The following SNTB1 variants were observed in gnomAD, a reference collection of about 807,000 sequenced individuals.
SNTB1 encodes syntrophin beta 1.
SNTB1 carries 36 observed loss-of-function variants against 48.9 expected under a neutral mutation model. The ratio of observed to expected loss-of-function variants is 0.74; its 90% CI spans 0.56 to 0.97. SNTB1 has a LOEUF of 0.97. Ranked by LOEUF, SNTB1 falls within the 50% of genes least tolerant of loss-of-function variation. The probability of loss-of-function intolerance (pLI) is 0.00; values close to 1 mark genes in which losing one functional copy is unlikely to be tolerated. For synonymous variants in SNTB1, 299 were observed against 294.6 expected, an observed-to-expected ratio of 1.01 and a Z score of -0.15; for missense variants, 786 against 703.4, an observed-to-expected ratio of 1.12 and a Z score of -1.33.
rs111378448 is a variant in SNTB1, at chr8:120,804,362, C to T, written c.571+6911G>A. Among the ~76,000 whole-genome samples, 697 of 152,166 alleles carry T rather than the reference C, an allele frequency of 4.6e-3. 5 individuals are homozygous for T. Among genetic ancestry groups the T allele is most frequent in the African/African-American group, 0.016 (664 of 41,512 alleles). ...CTGTGCTAAAGGCTAACTTGTATTG[C>T]TAATCACCGGCTCAAGTACTTCATA... On this transcript the variant is annotated intron_variant, in intron 1 of 6. Transcript: ENST00000517992.
At chr8:120,660,697 C>T (rs1203872127) in intron 2 of SNTB1, among the ~76,000 whole-genome samples, 2 of 152,216 alleles carry the variant, frequency 1.3e-5, no homozygotes, top group Non-Finnish European at 2.9e-5. Flanking sequence ...GCACAAGAAG[C>T]CTAACTTTCA....
chr8:120,697,245 A>G (rs1818227119), intron 1 of SNTB1, among the ~76,000 whole-genome samples: 2 of 152,252 alleles, frequency 1.3e-5, no homozygotes, highest in Non-Finnish European at 2.9e-5. Context: ...AAAGGACAGA[A>G]GACATGGCAC....
intron 3 of SNTB1, among the ~76,000 whole-genome samples, chr8:120,624,935 A>C (rs1056940508): frequency 3.3e-5 from 5 of 152,202 alleles, no homozygotes; most frequent in Non-Finnish European, 7.3e-5. Context: ...AAACAACATT[A>C]AGACTTAATG....
intron 2 of SNTB1, among the ~76,000 whole-genome samples, chr8:120,689,051 A>C (rs1193384088): frequency 1.3e-5 from 2 of 152,170 alleles, no homozygotes; most frequent in Non-Finnish European, 2.9e-5. Flanking sequence ...AGGTAGAATA[A>C]TAAAAATATA....
intron 2 of SNTB1, among the ~76,000 whole-genome samples, chr8:120,664,407 G>A (rs532365811): frequency 2.0e-5 from 3 of 152,106 alleles, no homozygotes; most frequent in Non-Finnish European, 4.4e-5. Flanking sequence ...CAATAAATTG[G>A]ACATACTTTA....
chr8:120,809,910 C>CAT (rs1419559305), intron 1 of SNTB1, among the ~76,000 whole-genome samples: 1 of 152,190 alleles, frequency 6.6e-6, no homozygotes. Context: ...TGGACCGTGA[C>CAT]ATACCAGGGA....
At chr8:120,584,995 C>T (rs1257187080) in intron 3 of SNTB1, among the ~76,000 whole-genome samples, 1 of 152,114 alleles carries the variant, frequency 6.6e-6, no homozygotes, top group Non-Finnish European at 1.5e-5. Context: ...TCAGAAGGAA[C>T]CAATCCAGCT....
intron 1 of SNTB1, among the ~76,000 whole-genome samples, chr8:120,772,510 G>A (rs1029628679): frequency 4.6e-5 from 7 of 152,160 alleles, no homozygotes; most frequent in Non-Finnish European, 1.0e-4. Context: ...GCCTCCAAAA[G>A]TGCTAGGATT....
intron 2 of SNTB1, among the ~76,000 whole-genome samples, chr8:120,649,981 C>T (rs113791969): frequency 0.19 from 29,242 of 152,134 alleles, 3,511 homozygotes; most frequent in East Asian, 0.38. Flanking sequence ...AACTCCCTGA[C>T]CCCTTGCACT....
At chr8:120,558,360 C>A in intron 4 of SNTB1, among the ~76,000 whole-genome samples, 1 of 152,112 alleles carries the variant, frequency 6.6e-6, no homozygotes, top group African/African-American at 2.4e-5. Flanking sequence ...CACCCTGGGA[C>A]GGGGTTTGAA....
At chr8:120,620,683 TTG>T (rs776001586) in intron 3 of SNTB1, among the ~76,000 whole-genome samples, 8 of 131,290 alleles carry the variant, frequency 6.1e-5, no homozygotes, top group African/African-American at 1.2e-4. Context: ...AGGGATATTC[TTG>T]TGTTTTCAGC....
At chr8:120,560,830 A>T (rs1815641344) in intron 4 of SNTB1, among the ~76,000 whole-genome samples, 2 of 152,338 alleles carry the variant, frequency 1.3e-5, no homozygotes, top group Admixed American at 6.5e-5. Context: ...AATTGCCGCA[A>T]CGCTTCTTTG....
chr8:120,791,334 C>T (rs1820031469), intron 1 of SNTB1, among the ~76,000 whole-genome samples: 1 of 151,888 alleles, frequency 6.6e-6, no homozygotes, highest in South Asian at 2.1e-4. Context: ...AGGCCTGAAA[C>T]CATAATAATT....
chr8:120,577,973 G>C (rs953104243), intron 3 of SNTB1, among the ~76,000 whole-genome samples: 2 of 152,148 alleles, frequency 1.3e-5, no homozygotes, highest in African/African-American at 2.4e-5. Context: ...GAGGTAGAAG[G>C]CTGCCTATGG....
At position 120,761,564 on chromosome 8, in the gene SNTB1, A is replaced by G. The variant is rs1258496050; in HGVS notation, c.571+49709T>C. Among the ~76,000 whole-genome samples the G allele has an allele frequency of 3.9e-5, 6 of 152,218 alleles. No individual in the cohort carries two copies. In the East Asian group the frequency reaches 7.7e-4, roughly 20 times the overall value. The stretch of plus-strand genomic sequence containing the variant: ...CCTAACCACAGTTCTTTTATTTTTG[A>G]TCATTTAAAATTATTCTATAGCACA... On this transcript the variant is annotated intron_variant, in intron 1 of 6. Coordinates refer to ENST00000517992, the MANE Select transcript of SNTB1 (RefSeq NM_021021.4).
chr8:120,620,608 C>G (rs774656172), intron 3 of SNTB1, among the ~76,000 whole-genome samples: 7 of 152,066 alleles, frequency 4.6e-5, no homozygotes, highest in Non-Finnish European at 7.4e-5. Context: ...TTGAATTCAA[C>G]AGCTAATATA....
intron 2 of SNTB1, among the ~76,000 whole-genome samples, chr8:120,676,208 T>G (rs1046774568): frequency 6.6e-6 from 1 of 152,242 alleles, no homozygotes; most frequent in African/African-American, 2.4e-5. Context: ...TAAAATGAAC[T>G]CTACAATAAA....
At chr8:120,749,509 T>C (rs571141194) in intron 1 of SNTB1, among the ~76,000 whole-genome samples, 14 of 152,284 alleles carry the variant, frequency 9.2e-5, no homozygotes, top group African/African-American at 2.9e-4. Flanking sequence ...AGCCTCTCTA[T>C]GTATCTACGT....
rs149242377 is a variant in SNTB1 at position 120,751,183 on chromosome 8, G to A, written c.572-57275C>T. Among the ~76,000 whole-genome samples, 1,243 of 152,234 alleles carry A rather than the reference G, an allele frequency of 8.2e-3. 17 individuals are homozygous for A. Among genetic ancestry groups the A allele is most frequent in the African/African-American group, 0.028 (1,178 of 41,552 alleles). On this transcript the variant is annotated intron_variant, in intron 1 of 6. Coordinates refer to ENST00000517992, the MANE Select transcript of SNTB1 (RefSeq NM_021021.4). ...GTAAAAAGTGGAGTGAGGACGCTAAGTTATCTCAGGAGAGGGAAGAAGGGG... is the reference window on the plus strand; with the variant it reads ...GTAAAAAGTGGAGTGAGGACGCTAAATTATCTCAGGAGAGGGAAGAAGGGG...
Sources: allele counts gnomAD v4.1 joint callset (sites outside exome capture counted in the v4.1 genomes callset), GRCh38; gene constraint gnomAD v4.1.1; transcripts MANE v1.5; gene names NCBI Gene and HGNC (gene_info 2026-07-23, HGNC 2026-07-21).